TMTC2: variants seen among roughly 807,000 people sequenced by gnomAD.
TMTC2 encodes protein O-mannosyl-transferase TMTC2.
Under a neutral mutation model 82.4 loss-of-function variants are expected in TMTC2, and 43 were observed. The ratio of observed to expected loss-of-function variants is 0.52; its 90% CI spans 0.41 to 0.67. The LOEUF (loss-of-function observed/expected upper bound fraction) is 0.67. Among genes scored for constraint, TMTC2 ranks in the 30% least tolerant of loss-of-function variants. The probability of loss-of-function intolerance (pLI) is 0.00; values close to 1 mark genes in which losing one functional copy is unlikely to be tolerated. For missense variants in TMTC2, 919 were observed against 1,012.4 expected, an observed-to-expected ratio of 0.91 and a Z score of 1.25; for synonymous variants, 408 against 381.9, an observed-to-expected ratio of 1.07 and a Z score of -0.80.
chr12:83,017,891 C>G (rs907904581), intron 8 of TMTC2, among the ~76,000 whole-genome samples: 7 of 150,904 alleles, frequency 4.6e-5, no homozygotes, highest in African/African-American at 1.7e-4. Flanking sequence ...CGGACTAGAA[C>G]TTAGGTTTCA....
intron 11 of TMTC2, among the ~76,000 whole-genome samples, chr12:83,097,770 C>A (rs1884080855): frequency 6.6e-6 from 1 of 152,104 alleles, no homozygotes; most frequent in African/African-American, 2.4e-5. Flanking sequence ...TAATCTGGAA[C>A]AGGAAAAGAT....
chr12:82,819,351 C>A (rs1868941019), intron 1 of TMTC2, among the ~76,000 whole-genome samples: 1 of 151,996 alleles, frequency 6.6e-6, no homozygotes, highest in Non-Finnish European at 1.5e-5. Flanking sequence ...AATTTTATAA[C>A]TGTTTAGATA....
chr12:82,895,254 A>G (rs981874863), intron 2 of TMTC2, among the ~76,000 whole-genome samples: 1 of 152,144 alleles, frequency 6.6e-6, no homozygotes, highest in Admixed American at 6.6e-5. Context: ...TAAATTCTGC[A>G]AGGACGGAAC....
At chr12:82,964,989 A>T in intron 4 of TMTC2, 35 bp from the exon 5 acceptor site, 1 of 1,500,516 alleles carries the variant, frequency 6.7e-7, no homozygotes, top group South Asian at 1.2e-5. Flanking sequence ...ATAATAATAC[A>T]GTCCTTTCTC....
chr12:82,932,242 G>A (rs753890327), intron 4 of TMTC2, among the ~76,000 whole-genome samples: 2 of 152,108 alleles, frequency 1.3e-5, no homozygotes, highest in Non-Finnish European at 2.9e-5. Flanking sequence ...CGTTGACTTC[G>A]TGTTTAACCT....
rs1218063514 is a variant in TMTC2 at position 82,757,376 on chromosome 12, TTAAA to T, written c.83+69710_83+69713del. Among the ~76,000 whole-genome samples the T allele has an allele frequency of 3.3e-4, 51 of 152,240 alleles. 1 individual carries two copies. The highest frequency in any genetic ancestry group is 1.2e-3 in the African/African-American group (50 of 41,468). ...ATCTCTTTAAAACGTTAACATTTGA[TTAAA>T]TATACTTGAATGCTTACAAAGAGTT... On this transcript the variant is annotated intron_variant, in intron 1 of 11. Transcript: ENST00000321196.
chr12:82,873,693 T>C (rs186663839), intron 2 of TMTC2, among the ~76,000 whole-genome samples: 3 of 152,294 alleles, frequency 2.0e-5, no homozygotes, highest in Non-Finnish European at 4.4e-5. Context: ...GTCTTACATA[T>C]GCAACAGGAA....
intron 11 of TMTC2, among the ~76,000 whole-genome samples, chr12:83,071,578 ATTC>A (rs1220140593): frequency 6.6e-6 from 1 of 152,088 alleles, no homozygotes; most frequent in African/African-American, 2.4e-5. Flanking sequence ...ATTGGTACCA[ATTC>A]TTCTTTTAAT....
intron 8 of TMTC2, among the ~76,000 whole-genome samples, chr12:82,997,970 G>A (rs1879740789): frequency 1.3e-5 from 2 of 152,068 alleles, no homozygotes; most frequent in Admixed American, 6.6e-5. Context: ...ACAGTATTCT[G>A]CCAAATGTAC....
chr12:82,945,815 C>A (rs1876962714), intron 4 of TMTC2, among the ~76,000 whole-genome samples: 1 of 152,054 alleles, frequency 6.6e-6, no homozygotes, highest in South Asian at 2.1e-4. Flanking sequence ...AATTTACTTT[C>A]TTTCTTGTAC....
chr12:82,688,934 A>G (rs1490553880), intron 1 of TMTC2, among the ~76,000 whole-genome samples: 1 of 152,198 alleles, frequency 6.6e-6, no homozygotes, highest in Admixed American at 6.5e-5. Flanking sequence ...TTAAAAAATC[A>G]CCTGATAATA....
In TMTC2 at chr12:83,045,781, G is replaced by A. The variant is rs565863609; in HGVS notation, c.2153-5123G>A. Among the ~76,000 whole-genome samples, 3 of 124,634 alleles carry A rather than the reference G, an allele frequency of 2.4e-5. No homozygotes were observed. In the East Asian group the frequency reaches 8.8e-4, roughly 37 times the overall value. The allele number at this position is 124,634 out of a possible 152,430, so 81.8% of individuals were successfully genotyped here. On this transcript the variant is annotated intron_variant, in intron 9 of 11. Coordinates refer to ENST00000321196, the MANE Select transcript of TMTC2 (RefSeq NM_152588.3). Reference sequence around the variant, plus strand: ...GAGTGTCTGGCGACCATCAGGAGATGATCAGGCAGTTTTTAACTGTTTCTC... The same window carrying A: ...GAGTGTCTGGCGACCATCAGGAGATAATCAGGCAGTTTTTAACTGTTTCTC...
chr12:82,876,553 C>T lies in TMTC2; in HGVS notation c.654+18973C>T, dbSNP rs554660907. ...AGGCTGGGTAATGAAATCTGAAAAG[C>T]TCAATGTGAATTTGACATTTTCTCC... On this transcript the variant is annotated intron_variant, in intron 2 of 11. Coordinates refer to ENST00000321196, the MANE Select transcript of TMTC2 (RefSeq NM_152588.3). Among the ~76,000 whole-genome samples the T allele has an allele frequency of 8.5e-5, 13 of 152,202 alleles. No homozygotes were observed. In the South Asian group the frequency reaches 1.5e-3, roughly 17 times the overall value.
intron 3 of TMTC2, among the ~76,000 whole-genome samples, chr12:82,926,491 G>A (rs1875723307): frequency 6.6e-6 from 1 of 152,320 alleles, no homozygotes; most frequent in Non-Finnish European, 1.5e-5. Flanking sequence ...TAAGTACAGG[G>A]TGAAGCAGTA....
chr12:82,875,923 A>G (rs1479289158), intron 2 of TMTC2, among the ~76,000 whole-genome samples: 1 of 151,286 alleles, frequency 6.6e-6, no homozygotes, highest in African/African-American at 2.4e-5. Context: ...AAAAAAAAGA[A>G]AGAAAACTGA....
chr12:83,021,620 A>T (rs576214472), intron 8 of TMTC2, among the ~76,000 whole-genome samples: 26 of 150,814 alleles, frequency 1.7e-4, no homozygotes, highest in African/African-American at 5.8e-4. Flanking sequence ...TTTAATGTAG[A>T]GTCATCTTTG....
intron 8 of TMTC2, chr12:82,986,713 T>C (rs1879168826): frequency 6.6e-6 from 1 of 152,444 alleles, no homozygotes; most frequent in African/African-American, 2.4e-5. Flanking sequence ...ACAAGCACCC[T>C]TGGAGGCCAC....
chr12:83,005,174 G>A (rs1796207), intron 8 of TMTC2, among the ~76,000 whole-genome samples: 110,723 of 143,730 alleles, frequency 0.77, 44,146 homozygotes, highest in South Asian at 0.93. Context: ...ATTGCACTCC[G>A]GCCTGGGCGA....
intron 9 of TMTC2, among the ~76,000 whole-genome samples, chr12:83,039,988 CAT>C (rs1321796392): frequency 6.6e-6 from 1 of 152,222 alleles, no homozygotes; most frequent in Non-Finnish European, 1.5e-5. Flanking sequence ...ATGCTGGGCA[CAT>C]ATGTGCTCAT....
Sources: gnomAD v4.1 joint callset for allele counts (sites outside exome capture counted in the v4.1 genomes callset) on GRCh38, gnomAD v4.1.1 for gene constraint, MANE v1.5 for transcripts, NCBI Gene and HGNC (gene_info 2026-07-23, HGNC 2026-07-21) for gene names.